The following GPHN variants were observed in gnomAD, a reference collection of about 807,000 sequenced individuals.
GPHN encodes the protein gephyrin.
In GPHN, 17 loss-of-function variants were observed where a neutral mutation model predicts 95.5. The observed-to-expected ratio is 0.18, with a 90% CI of 0.12 to 0.27. GPHN has a LOEUF of 0.27. Among genes scored for constraint, GPHN ranks in the 10% least tolerant of loss-of-function variants. The pLI, the probability that GPHN is intolerant of heterozygous loss-of-function variation, is 1.00. For missense variants in GPHN, 660 were observed against 978.1 expected (o/e 0.67, Z 4.34); for synonymous variants, 320 against 322.5 (o/e 0.99, Z 0.08).
intron 2 of GPHN, among the ~76,000 whole-genome samples, chr14:66,700,635 C>A (rs2068464857): frequency 6.6e-6 from 1 of 152,024 alleles, no homozygotes. Flanking sequence ...AGTTAAAAAT[C>A]TTTATTATGA....
chr14:66,795,420 A>G (rs1018435594), intron 3 of GPHN, among the ~76,000 whole-genome samples: 3 of 152,102 alleles, frequency 2.0e-5, no homozygotes, highest in African/African-American at 7.2e-5. Context: ...TTCATTTATT[A>G]TAATTATTAA....
At chr14:66,558,942 GTGTTCTCAT>G (rs2060118291) in intron 1 of GPHN, among the ~76,000 whole-genome samples, 2 of 140,126 alleles carry the variant, frequency 1.4e-5, no homozygotes, top group Admixed American at 8.1e-5. Flanking sequence ...CTGTGTCCAT[GTGTTCTCAT>G]TGTTCAATTC....
intron 1 of GPHN, among the ~76,000 whole-genome samples, chr14:66,657,642 A>G (rs1426214574): frequency 1.3e-5 from 2 of 152,072 alleles, no homozygotes; most frequent in Non-Finnish European, 2.9e-5. Flanking sequence ...TGCTGAATTT[A>G]CTCTTCCTAT....
At chr14:66,739,452 G>A (rs530037570) in intron 2 of GPHN, among the ~76,000 whole-genome samples, 4 of 150,216 alleles carry the variant, frequency 2.7e-5, no homozygotes, top group South Asian at 2.1e-4. Flanking sequence ...TCCTGACCTC[G>A]TGATCTGCCC....
intron 5 of GPHN, among the ~76,000 whole-genome samples, chr14:66,888,627 T>TA (rs900511270): frequency 3.3e-4 from 50 of 151,932 alleles, no homozygotes; most frequent in Non-Finnish European, 6.2e-4. Flanking sequence ...AATATTTCAC[T>TA]AAAAAAAATT....
chr14:67,365,982 C>T, the GPHN span, among the ~76,000 whole-genome samples: 11 of 152,120 alleles, frequency 7.2e-5, no homozygotes, highest in South Asian at 1.2e-3. Context: ...GCTATAGCCC[C>T]GCCCAAAATT....
At chr14:67,244,962 A>C in the GPHN span, among the ~76,000 whole-genome samples, 861 of 152,322 alleles carry the variant, frequency 5.7e-3, 17 homozygotes, top group Admixed American at 0.042. Context: ...GAGTAGAGTC[A>C]GGAAAAAAAG....
chr14:67,496,611 C>T, the GPHN span, among the ~76,000 whole-genome samples: 2 of 151,692 alleles, frequency 1.3e-5, no homozygotes, highest in Middle Eastern at 3.4e-3. Flanking sequence ...CTCCCTCCCT[C>T]CTTTCTTCCT....
chr14:67,060,079 A>G (rs948951821), intron 11 of GPHN, among the ~76,000 whole-genome samples: 2 of 152,092 alleles, frequency 1.3e-5, no homozygotes, highest in African/African-American at 4.8e-5. Flanking sequence ...TACCTGTTAT[A>G]AAAATAAATA....
chr14:67,703,131 C>T, the GPHN span, among the ~76,000 whole-genome samples: 32 of 152,136 alleles, frequency 2.1e-4, no homozygotes, highest in African/African-American at 7.5e-4. Flanking sequence ...TTATAGTTTT[C>T]ATTTTAGAAT....
At chr14:66,719,239 C>T (rs1345726054) in intron 2 of GPHN, among the ~76,000 whole-genome samples, 1 of 152,202 alleles carries the variant, frequency 6.6e-6, no homozygotes, top group South Asian at 2.1e-4. Flanking sequence ...TCTGGCCGCC[C>T]TCCAGAAAGA....
At chr14:67,435,385 A>G in the GPHN span, among the ~76,000 whole-genome samples, 1 of 151,900 alleles carries the variant, frequency 6.6e-6, no homozygotes, top group South Asian at 2.1e-4. Flanking sequence ...TGATCCAATC[A>G]CCTTTTAAAA....
the GPHN span, among the ~76,000 whole-genome samples, chr14:67,209,523 G>A: frequency 1.3e-5 from 2 of 152,114 alleles, no homozygotes; most frequent in African/African-American, 2.4e-5. Flanking sequence ...ACAGAGTGGA[G>A]GGAAAAGCAT....
chr14:67,620,813 C>T, the GPHN span: 1 of 1,421,598 alleles, frequency 7.0e-7, no homozygotes, highest in Non-Finnish European at 9.9e-7. Context: ...TCAGAGGAAC[C>T]TGCTGGGAAC....
At chr14:66,750,629 G>A (rs2058330381) in intron 2 of GPHN, among the ~76,000 whole-genome samples, 1 of 151,866 alleles carries the variant, frequency 6.6e-6, no homozygotes, top group African/African-American at 2.4e-5. Flanking sequence ...TTTTTTGGTA[G>A]CAGGAAAAAG....
At chr14:67,374,608 T>C in the GPHN span, 4 of 1,151,808 alleles carry the variant, frequency 3.5e-6, no homozygotes, top group Non-Finnish European at 5.0e-6. Context: ...TAATTTGAAA[T>C]CTTAATTTCA....
intron 2 of GPHN, among the ~76,000 whole-genome samples, chr14:66,687,355 T>A (rs900405182): frequency 6.6e-6 from 1 of 152,146 alleles, no homozygotes; most frequent in Non-Finnish European, 1.5e-5. Flanking sequence ...TCATACCAAT[T>A]TTAGGATTAT....
the GPHN span, among the ~76,000 whole-genome samples, chr14:67,431,391 CAAAAAAAAAAAAAAAAA>C: frequency 1.3e-5 from 1 of 77,470 alleles, no homozygotes; most frequent in African/African-American, 4.3e-5. Context: ...GACTCTGTCT[CAAAAAAAAAAAAAAAAA>C]AAAAAAAAAA....
the GPHN span, among the ~76,000 whole-genome samples, chr14:67,225,966 C>CGT: frequency 6.2e-5 from 4 of 64,192 alleles, no homozygotes; most frequent in South Asian, 4.8e-4. Context: ...TGTGTGTGCG[C>CGT]GCGCGCGCGT....
Sources: gnomAD v4.1 joint callset for allele counts (sites outside exome capture counted in the v4.1 genomes callset) on GRCh38, gnomAD v4.1.1 for gene constraint, MANE v1.5 for transcripts, NCBI Gene and HGNC (gene_info 2026-07-23, HGNC 2026-07-21) for gene names.